The following LRRC4C variants were observed in gnomAD, a reference collection of about 807,000 sequenced individuals.
The protein encoded by LRRC4C is leucine-rich repeat-containing protein 4C.
LRRC4C carries 5 observed loss-of-function variants against 33.6 expected under a neutral mutation model. The ratio of observed to expected loss-of-function variants is 0.15; its 90% CI spans 0.08 to 0.31. The LOEUF (loss-of-function observed/expected upper bound fraction) is 0.31, where lower values mean the gene tolerates loss of function less well. Among genes scored for constraint, LRRC4C ranks in the 10% least tolerant of loss-of-function variants. The pLI is 1.00. For missense variants in LRRC4C, 560 were observed against 796.7 expected (o/e 0.70, Z 3.58); for synonymous variants, 329 against 302.0 (o/e 1.09, Z -0.93).
intron 4 of LRRC4C, chr11:40,292,177 A>G (rs1944240446): frequency 6.6e-6 from 1 of 152,178 alleles, no homozygotes; most frequent in East Asian, 1.9e-4. Context: ...TAAATAAGAA[A>G]ATAAGGGTCA....
chr11:40,337,280 G>A (rs1946671404), intron 3 of LRRC4C, among the ~76,000 whole-genome samples: 1 of 152,164 alleles, frequency 6.6e-6, no homozygotes, highest in Non-Finnish European at 1.5e-5. Flanking sequence ...CTTTACAGAC[G>A]AAGGTAAAGA....
At chr11:41,304,692 G>C (rs868110271) in intron 1 of LRRC4C, among the ~76,000 whole-genome samples, 3,659 of 72,156 alleles carry the variant, frequency 0.051, 736 homozygotes, top group Middle Eastern at 0.15. Flanking sequence ...CCCCCCGCCC[G>C]GCCAGCCACC....
At chr11:40,586,746 G>T (rs1400025836) in intron 3 of LRRC4C, among the ~76,000 whole-genome samples, 1 of 151,280 alleles carries the variant, frequency 6.6e-6, no homozygotes, top group African/African-American at 2.4e-5. Flanking sequence ...TTTCCCCATT[G>T]CTTGTTTTTC....
At chr11:40,474,911 C>T (rs1395843891) in intron 3 of LRRC4C, among the ~76,000 whole-genome samples, 1 of 152,194 alleles carries the variant, frequency 6.6e-6, no homozygotes, top group Admixed American at 6.5e-5. Context: ...GATACCATCT[C>T]ATGCCAGTTA....
At chr11:40,158,289 T>C (rs532890324) in intron 5 of LRRC4C, among the ~76,000 whole-genome samples, 3 of 152,116 alleles carry the variant, frequency 2.0e-5, no homozygotes, top group East Asian at 1.9e-4. Context: ...GGATGAAGGA[T>C]AAAAGACTAC....
At chr11:41,242,013 T>A (rs1162205739) in intron 1 of LRRC4C, among the ~76,000 whole-genome samples, 1 of 152,210 alleles carries the variant, frequency 6.6e-6, no homozygotes, top group Non-Finnish European at 1.5e-5. Flanking sequence ...TTTTTGTATG[T>A]GTGAATTGTC....
intron 1 of LRRC4C, among the ~76,000 whole-genome samples, chr11:41,266,137 T>C (rs1456021259): frequency 2.0e-5 from 3 of 152,124 alleles, no homozygotes; most frequent in African/African-American, 7.2e-5. Flanking sequence ...CATATTATTA[T>C]GAACTTACCA....
intron 3 of LRRC4C, among the ~76,000 whole-genome samples, chr11:40,412,602 C>T (rs11035826): frequency 0.33 from 49,779 of 151,896 alleles, 9,647 homozygotes; most frequent in South Asian, 0.46. Flanking sequence ...GCCATTACTT[C>T]CAAACTGAAG....
Position 40,476,635 on chromosome 11 carries a change from C to T in LRRC4C, c.-269-156914G>A, listed in dbSNP as rs181637805. Among the ~76,000 whole-genome samples the T allele has an allele frequency of 1.8e-3, 275 of 152,270 alleles. 1 individual carries two copies. Among genetic ancestry groups the T allele is most frequent in the African/African-American group, 6.4e-3 (266 of 41,582 alleles). The stretch of plus-strand genomic sequence containing the variant: ...CTGGGATTACAGGCGTAAGCCACCA[C>T]GCCCAGCCAAGTGCACAATTTTCTT... On this transcript the variant is annotated intron_variant, in intron 3 of 6. Coordinates refer to ENST00000528697, the MANE Select transcript of LRRC4C (RefSeq NM_001258419.2).
intron 3 of LRRC4C, among the ~76,000 whole-genome samples, chr11:40,468,095 C>T (rs1952743361): frequency 6.6e-6 from 1 of 152,080 alleles, no homozygotes; most frequent in African/African-American, 2.4e-5. Context: ...CTTTGCTCCT[C>T]CATTTTTGTA....
chr11:40,906,853 A>C (rs11821304), intron 2 of LRRC4C, among the ~76,000 whole-genome samples: 2 of 152,184 alleles, frequency 1.3e-5, no homozygotes, highest in East Asian at 3.9e-4. Context: ...AGAAAAGATA[A>C]AGTGTAAAAA....
At chr11:40,810,805 G>A (rs1951456723) in intron 2 of LRRC4C, among the ~76,000 whole-genome samples, 1 of 152,046 alleles carries the variant, frequency 6.6e-6, no homozygotes, top group Non-Finnish European at 1.5e-5. Flanking sequence ...CAATTCCATT[G>A]TCACAATTGT....
rs556768333 is a variant in LRRC4C, at chr11:41,019,994, A to G, written c.-495-86271T>C. On this transcript the variant is annotated intron_variant, in intron 1 of 6. Transcript: ENST00000528697. ...CCTGTTCACTCTCATGATAGTTTCT[A>G]TTGCTGTACAGAAGCTCTTTTAATT... Among the ~76,000 whole-genome samples the G allele has an allele frequency of 8.5e-5, 13 of 152,134 alleles. No homozygotes were observed. In the South Asian group the frequency reaches 1.7e-3, roughly 19 times the overall value.
At position 40,197,802 on chromosome 11, in the gene LRRC4C, T is replaced by A. The variant is rs141850764; in HGVS notation, c.-96+43717A>T. Among the ~76,000 whole-genome samples, 530 of 152,318 alleles carry A rather than the reference T, an allele frequency of 3.5e-3. 3 individuals are homozygous for A. Among genetic ancestry groups the A allele is most frequent in the Middle Eastern group, 0.014 (4 of 294 alleles). The stretch of plus-strand genomic sequence containing the variant: ...TCAAGTGTCAGGGGAACAAAAGCAA[T>A]TTCTGATAAATGCCTTTCAGGATCT... On this transcript the variant is annotated intron_variant, in intron 5 of 6. Coordinates refer to ENST00000528697, the MANE Select transcript of LRRC4C (RefSeq NM_001258419.2).
Position 41,178,167 on chromosome 11 carries a change from C to T in LRRC4C, c.-495-244444G>A, listed in dbSNP as rs572442494. The stretch of plus-strand genomic sequence containing the variant: ...CATTGTCTAGATATAATCCAACATG[C>T]TTTTACTGCTTACTCCAAACTTGCC... On this transcript the variant is annotated intron_variant, in intron 1 of 6. Transcript: ENST00000528697. Among the ~76,000 whole-genome samples the T allele has an allele frequency of 3.9e-5, 6 of 152,282 alleles. No homozygotes were observed. In the East Asian group the frequency reaches 1.2e-3, roughly 29 times the overall value.
At chr11:40,891,524 A>C (rs1249425011) in intron 2 of LRRC4C, among the ~76,000 whole-genome samples, 1 of 152,220 alleles carries the variant, frequency 6.6e-6, no homozygotes, top group Non-Finnish European at 1.5e-5. Flanking sequence ...ATTAATAACA[A>C]GAATCTATAA....
chr11:40,578,259 G>T (rs1423360817), intron 3 of LRRC4C, among the ~76,000 whole-genome samples: 1 of 144,142 alleles, frequency 6.9e-6, no homozygotes, highest in Non-Finnish European at 1.5e-5. Context: ...CTATGCCCCT[G>T]GCAAACAGGT....
chr11:40,738,878 A>C (rs954421506), intron 2 of LRRC4C, among the ~76,000 whole-genome samples: 2 of 152,016 alleles, frequency 1.3e-5, no homozygotes, highest in East Asian at 3.9e-4. Context: ...TTTTTTCTTC[A>C]GCTTTAATGA....
chr11:40,601,688 C>T (rs1960007589), intron 3 of LRRC4C, among the ~76,000 whole-genome samples: 1 of 152,078 alleles, frequency 6.6e-6, no homozygotes, highest in Admixed American at 6.6e-5. Context: ...TTATAGAAGG[C>T]ACTTGAATAT....
Sources: allele counts gnomAD v4.1 joint callset (sites outside exome capture counted in the v4.1 genomes callset), GRCh38; gene constraint gnomAD v4.1.1; transcripts MANE v1.5; gene names NCBI Gene and HGNC (gene_info 2026-07-23, HGNC 2026-07-21).